Variants in TMEM108 observed in about 807,000 individuals in gnomAD.
TMEM108 encodes the protein cancer/testis antigen 124.
A neutral mutation model predicts 35.1 loss-of-function variants in TMEM108; 12 were observed. That is an observed-to-expected ratio of 0.34 (90% CI 0.22 to 0.55). The LOEUF is 0.55. Among genes scored for constraint, TMEM108 ranks in the 20% least tolerant of loss-of-function variants. The probability of loss-of-function intolerance (pLI) is 0.89; values close to 1 mark genes in which losing one functional copy is unlikely to be tolerated. For synonymous variants in TMEM108, 287 were observed against 308.6 expected (o/e 0.93, Z 0.73); for missense variants, 680 against 753.3 (o/e 0.90, Z 1.14).
intron 2 of TMEM108, among the ~76,000 whole-genome samples, chr3:133,100,488 A>G (rs1296202857): frequency 6.6e-6 from 1 of 152,106 alleles, no homozygotes; most frequent in Non-Finnish European, 1.5e-5. Flanking sequence ...CCTGTAGTTA[A>G]CAGCTACTTG....
chr3:133,328,455 A>G (rs1559906082), intron 3 of TMEM108, among the ~76,000 whole-genome samples: 1 of 152,210 alleles, frequency 6.6e-6, no homozygotes, highest in Non-Finnish European at 1.5e-5. Flanking sequence ...TAATTTGATT[A>G]GTTTTTTCTG....
intron 2 of TMEM108, among the ~76,000 whole-genome samples, chr3:133,098,846 C>A (rs2107713397): frequency 6.6e-6 from 1 of 152,302 alleles, no homozygotes; most frequent in East Asian, 1.9e-4. Context: ...GTACAGCCTG[C>A]CTCCTGGATG....
At position 133,107,455 on chromosome 3, in the gene TMEM108, G is replaced by GGTGTGTGTGT. The variant is rs59305794; in HGVS notation, c.-47+61468_-47+61477dup. On this transcript the variant is annotated intron_variant, in intron 2 of 5. Coordinates refer to ENST00000321871, the MANE Select transcript of TMEM108 (RefSeq NM_023943.4). ...GTTACCACCAGGATGAAGTGTATGTGGTGTGTGTGTGTGTGTGTGTGTGTG... is the reference window on the plus strand; with the variant it reads ...GTTACCACCAGGATGAAGTGTATGTGGTGTGTGTGTGTGTGTGTGTGTGTGTGTGTGTGTG... 7.0e-3 allele frequency among the ~76,000 whole-genome samples: 1,001 copies of GGTGTGTGTGT among 143,596 alleles called. 4 individuals are homozygous for GGTGTGTGTGT. Among genetic ancestry groups the GGTGTGTGTGT allele is most frequent in the Admixed American group, 9.0e-3 (129 of 14,358 alleles). 94.2% of individuals were successfully genotyped at this position (143,596 alleles called of 152,430 possible).
chr3:133,217,988 T>A (rs747115370), intron 2 of TMEM108, among the ~76,000 whole-genome samples: 1 of 152,068 alleles, frequency 6.6e-6, no homozygotes, highest in African/African-American at 2.4e-5. Flanking sequence ...GGAATTGCAT[T>A]GAATCTGTAT....
chr3:133,359,619 G>A (rs1343655482), intron 3 of TMEM108, among the ~76,000 whole-genome samples: 1 of 152,168 alleles, frequency 6.6e-6, no homozygotes, highest in Non-Finnish European at 1.5e-5. Flanking sequence ...TTAAAGCTGG[G>A]AGAGAGACAT....
intron 2 of TMEM108, among the ~76,000 whole-genome samples, chr3:133,098,551 T>C (rs990331415): frequency 6.6e-6 from 1 of 152,060 alleles, no homozygotes; most frequent in African/African-American, 2.4e-5. Flanking sequence ...GTCCAAAGTC[T>C]CATCTGAGAC....
At position 133,346,364 on chromosome 3, in the gene TMEM108, G is replaced by T. The variant is rs1336037213; in HGVS notation, c.41-33388G>T. ...TTTTGGATTTTAGCCATTCTAATAG[G>T]TGTGTAGTGGTATCCCATTGTTGTT... On this transcript the variant is annotated intron_variant, in intron 3 of 5. Coordinates refer to ENST00000321871, the MANE Select transcript of TMEM108 (RefSeq NM_023943.4). This position sits in a 1 kb window ranked among gnomAD's most constrained non-coding sequence, Gnocchi z 4.0. 1.3e-5 allele frequency among the ~76,000 whole-genome samples: 2 copies of T among 151,892 alleles called. No homozygotes were observed. The highest frequency in any genetic ancestry group is 4.8e-5 in the African/African-American group (2 of 41,416).
intron 3 of TMEM108, among the ~76,000 whole-genome samples, chr3:133,255,593 G>A (rs1946534396): frequency 6.6e-6 from 1 of 152,202 alleles, no homozygotes; most frequent in Non-Finnish European, 1.5e-5. Context: ...CGAGAGAATA[G>A]AGACAATGGG....
chr3:133,152,245 T>G (rs1457430345), intron 2 of TMEM108, among the ~76,000 whole-genome samples: 2 of 152,196 alleles, frequency 1.3e-5, no homozygotes, highest in African/African-American at 4.8e-5. Flanking sequence ...AATAGCATAT[T>G]CTTGTGCAAA....
chr3:133,145,104 A>C (rs9881818), intron 2 of TMEM108, among the ~76,000 whole-genome samples: 32,845 of 152,084 alleles, frequency 0.22, 4,421 homozygotes, highest in Non-Finnish European at 0.3. Flanking sequence ...TAGGTCTTTC[A>C]TTTAAGTCTT....
intron 3 of TMEM108, among the ~76,000 whole-genome samples, chr3:133,351,107 G>A (rs2071983249): frequency 6.6e-6 from 1 of 152,146 alleles, no homozygotes; most frequent in African/African-American, 2.4e-5. Context: ...AGTACAAAAA[G>A]GCACCACACT....
intron 2 of TMEM108, among the ~76,000 whole-genome samples, chr3:133,193,135 GC>G (rs2107816709): frequency 6.6e-6 from 1 of 152,234 alleles, no homozygotes; most frequent in South Asian, 2.1e-4. Flanking sequence ...GACTAAGGGA[GC>G]AGAAGTGTGT....
At chr3:133,120,657 A>G (rs1944341874) in intron 2 of TMEM108, among the ~76,000 whole-genome samples, 3 of 127,824 alleles carry the variant, frequency 2.3e-5, no homozygotes, top group African/African-American at 8.8e-5. Flanking sequence ...TATCTGCGGT[A>G]CTATGGATCT....
Position 133,346,557 on chromosome 3 carries a change from A to G in TMEM108, c.41-33195A>G, listed in dbSNP as rs920832386. 6.6e-6 allele frequency among the ~76,000 whole-genome samples: 1 copy of G among 152,016 alleles called. No individual in the cohort carries two copies. Among genetic ancestry groups the G allele is most frequent in the African/African-American group, 2.4e-5 (1 of 41,450 alleles). ...GAGAGATTTGTATATTTTGGATTCA[A>G]GTCCTTTATTGAATGTATGCAATTA... On this transcript the variant is annotated intron_variant, in intron 3 of 5. Coordinates refer to ENST00000321871, the MANE Select transcript of TMEM108 (RefSeq NM_023943.4). This position sits in a 1 kb window ranked among gnomAD's most constrained non-coding sequence, Gnocchi z 4.0.
intron 3 of TMEM108, chr3:133,378,554 C>G: frequency 1.0e-6 from 1 of 985,418 alleles, no homozygotes; most frequent in Non-Finnish European, 1.2e-6. Context: ...GAGGTGCTAA[C>G]AGGTCAGAAT....
chr3:133,041,559 A>G (rs1943276848), intron 1 of TMEM108, among the ~76,000 whole-genome samples: 1 of 152,194 alleles, frequency 6.6e-6, no homozygotes, highest in Admixed American at 6.5e-5. Context: ...GAAAGCCATA[A>G]CTGTTTACAT....
intron 2 of TMEM108, among the ~76,000 whole-genome samples, chr3:133,171,324 T>C (rs552248419): frequency 6.6e-6 from 1 of 152,356 alleles, no homozygotes; most frequent in South Asian, 2.1e-4. Flanking sequence ...TATATAATTT[T>C]AAAATTATAT....
intron 3 of TMEM108, among the ~76,000 whole-genome samples, chr3:133,297,162 C>T (rs1053396419): frequency 3.9e-5 from 6 of 152,222 alleles, no homozygotes; most frequent in Admixed American, 3.3e-4. Context: ...CAGAGTATTT[C>T]ATTTGTGTCT....
chr3:133,060,846 GA>G (rs928366572), intron 2 of TMEM108, among the ~76,000 whole-genome samples: 2 of 151,662 alleles, frequency 1.3e-5, no homozygotes, highest in African/African-American at 2.4e-5. Flanking sequence ...GTGTTTGTAC[GA>G]AAAAAAACTA....
Sources: allele counts gnomAD v4.1 joint callset (sites outside exome capture counted in the v4.1 genomes callset), GRCh38; gene constraint gnomAD v4.1.1; non-coding constraint Gnocchi (gnomAD v3.1); transcripts MANE v1.5; gene names NCBI Gene and HGNC (gene_info 2026-07-23, HGNC 2026-07-21).